The following SIPA1L1 variants were observed in gnomAD, a reference collection of about 807,000 sequenced individuals.
SIPA1L1 encodes signal-induced proliferation-associated 1-like protein 1.
SIPA1L1 carries 26 observed loss-of-function variants against 162.7 expected under a neutral mutation model. The ratio of observed to expected loss-of-function variants is 0.16; its 90% CI spans 0.12 to 0.22. The LOEUF is 0.22. SIPA1L1 is among the 10% of genes least tolerant of loss of function. The pLI is 1.00. For synonymous variants in SIPA1L1, 829 were observed against 837.4 expected, an observed-to-expected ratio of 0.99 and a Z score of 0.17; for missense variants, 1,874 against 2,241.0, an observed-to-expected ratio of 0.84 and a Z score of 3.31.
At chr14:71,620,565 A>G (rs1410964862) in intron 6 of SIPA1L1, among the ~76,000 whole-genome samples, 1 of 152,022 alleles carries the variant, frequency 6.6e-6, no homozygotes, top group Non-Finnish European at 1.5e-5. Context: ...CCAGAGGTTA[A>G]AGTTTCCTAT....
At chr14:71,505,972 A>C (rs1313159198) in intron 2 of SIPA1L1, among the ~76,000 whole-genome samples, 23 of 134,742 alleles carry the variant, frequency 1.7e-4, no homozygotes, top group East Asian at 1.5e-3. Context: ...CCCCCCCCCA[A>C]AAAAAAAATC....
chr14:71,525,358 T>A (rs2052758832), intron 3 of SIPA1L1, among the ~76,000 whole-genome samples: 1 of 152,142 alleles, frequency 6.6e-6, no homozygotes, highest in Non-Finnish European at 1.5e-5. Flanking sequence ...AATTTTTGTG[T>A]GTTTTTAATA....
intron 3 of SIPA1L1, among the ~76,000 whole-genome samples, chr14:71,519,083 G>T (rs548015121): frequency 3.8e-4 from 58 of 152,252 alleles, no homozygotes; most frequent in African/African-American, 1.4e-3. Flanking sequence ...TACAATTCAA[G>T]TTGAGATTTC....
In SIPA1L1 at chr14:71,643,228, C is replaced by T. The variant is rs117197759; in HGVS notation, c.1819-7107C>T. Among the ~76,000 whole-genome samples the T allele has an allele frequency of 4.7e-3, 715 of 152,142 alleles. 16 individuals are homozygous for T. In the East Asian group the frequency reaches 0.058, roughly 12 times the overall value. ...ACCCGTGATACAGAGAAACTCCTAA[C>T]AGCAGCCAAAGGGAAAAATCTTGAT... On this transcript the variant is annotated intron_variant, in intron 7 of 23. Transcript: ENST00000381232.
intron 4 of SIPA1L1, among the ~76,000 whole-genome samples, chr14:71,557,244 T>C (rs527522972): frequency 6.6e-6 from 1 of 152,368 alleles, no homozygotes; most frequent in Non-Finnish European, 1.5e-5. Flanking sequence ...GGTTTGCCTT[T>C]TAATGTACAG....
intron 4 of SIPA1L1, among the ~76,000 whole-genome samples, chr14:71,571,543 A>G (rs1474216687): frequency 6.6e-6 from 1 of 152,216 alleles, no homozygotes; most frequent in Non-Finnish European, 1.5e-5. Context: ...CTCAGTTCCA[A>G]CAGTAAAAGC....
intron 6 of SIPA1L1, among the ~76,000 whole-genome samples, chr14:71,621,075 G>A (rs534977108): frequency 6.6e-6 from 1 of 152,258 alleles, no homozygotes; most frequent in East Asian, 1.9e-4. Context: ...TGGTCTGTCA[G>A]CAACACTTGT....
rs374045499 is a variant in SIPA1L1, at chr14:71,523,523, G to C, written c.-361-5789G>C. Among the ~76,000 whole-genome samples the C allele has an allele frequency of 3.6e-4, 55 of 152,176 alleles. No homozygotes were observed. In the East Asian group the frequency reaches 9.3e-3, roughly 26 times the overall value. On this transcript the variant is annotated intron_variant, in intron 3 of 23. Transcript: ENST00000381232. The stretch of plus-strand genomic sequence containing the variant: ...TAACCTTGATAGAATACTGCTAACT[G>C]ATCTCTACACTGCATTTGTTTTTTA...
intron 17 of SIPA1L1, among the ~76,000 whole-genome samples, chr14:71,710,807 CAAAAA>C (rs570414143): frequency 6.9e-5 from 4 of 57,666 alleles, no homozygotes; most frequent in Non-Finnish European, 1.6e-4. Flanking sequence ...GATTCTGTCT[CAAAAA>C]AAAAAAAAAA....
intron 5 of SIPA1L1, among the ~76,000 whole-genome samples, chr14:71,590,924 T>C (rs940973290): frequency 1.3e-5 from 2 of 152,138 alleles, no homozygotes; most frequent in East Asian, 1.9e-4. Context: ...CTCCTCCCTC[T>C]AGTTGTGACA....
intron 4 of SIPA1L1, among the ~76,000 whole-genome samples, chr14:71,572,925 A>T (rs2032350320): frequency 6.6e-6 from 1 of 152,252 alleles, no homozygotes; most frequent in Non-Finnish European, 1.5e-5. Context: ...AAATAGGTAC[A>T]TAGAATGGGG....
At position 71,589,266 on chromosome 14, in the gene SIPA1L1, T is replaced by G; in HGVS notation, c.1394T>G (p.Val465Gly). 1 of 1,614,076 alleles carries G rather than the reference T, an allele frequency of 6.2e-7. No homozygotes were observed. The highest frequency in any genetic ancestry group is 8.5e-7 in the Non-Finnish European group (1 of 1,179,938). ...AATGCAGGAGTGGCAGTACTTGAAG[T>G]GCCCAAGGAGAACTTGGTGTTGCAC... ...CTNAGVAVLE[V>G]PKENLVLHLD... The change falls in exon 5 of 24, where the codon GTG becomes GGG. Residue 465 changes from valine to glycine, a missense_variant. Coordinates refer to ENST00000381232, the MANE Select transcript of SIPA1L1 (RefSeq NM_001386936.1).
chr14:71,489,020 G>A (rs929878612), intron 2 of SIPA1L1, among the ~76,000 whole-genome samples: 2 of 152,158 alleles, frequency 1.3e-5, no homozygotes, highest in African/African-American at 4.8e-5. Context: ...GACGCCTGCT[G>A]CTAAGAGAAT....
chr14:71,411,314 G>A (rs943694923), intron 2 of SIPA1L1, among the ~76,000 whole-genome samples: 1 of 152,180 alleles, frequency 6.6e-6, no homozygotes, highest in African/African-American at 2.4e-5. Flanking sequence ...AAAGGGGGTA[G>A]AGGTTAAATT....
chr14:71,446,931 A>G lies in SIPA1L1; in HGVS notation c.-464-65812A>G, dbSNP rs568246060. On this transcript the variant is annotated intron_variant, in intron 2 of 23. Transcript: ENST00000381232. ...GTTTTTTTTTTTTTTTTTTTTTTTG[A>G]GACAGGCCCTTGCTTTGTTTCCCAG... Among the ~76,000 whole-genome samples, 120 of 25,914 alleles carry G rather than the reference A, an allele frequency of 4.6e-3. 1 individual carries two copies. Among genetic ancestry groups the G allele is most frequent in the African/African-American group, 0.018 (116 of 6,400 alleles). 17.0% of individuals were successfully genotyped at this position (25,914 alleles called of 152,430 possible). A position where few individuals can be genotyped will look rare whatever the true frequency, so the allele number is the denominator to read the frequency against.
chr14:71,556,106 TA>T (rs569759942), intron 4 of SIPA1L1, among the ~76,000 whole-genome samples: 211 of 152,080 alleles, frequency 1.4e-3, no homozygotes, highest in Non-Finnish European at 2.5e-3. Context: ...CTTCAATTTG[TA>T]AAAAAAACAC....
At chr14:71,613,746 C>T (rs1166285849) in intron 5 of SIPA1L1, among the ~76,000 whole-genome samples, 1 of 152,156 alleles carries the variant, frequency 6.6e-6, no homozygotes, top group East Asian at 1.9e-4. Flanking sequence ...TAGAAGAACA[C>T]TTTGTAATTA....
chr14:71,357,990 C>G (rs2037437737), intron 2 of SIPA1L1, among the ~76,000 whole-genome samples: 1 of 152,122 alleles, frequency 6.6e-6, no homozygotes, highest in Admixed American at 6.5e-5. Flanking sequence ...CCTTGGCCTC[C>G]CAAAGTACTG....
At chr14:71,350,474 C>T (rs2036592286) in intron 2 of SIPA1L1, among the ~76,000 whole-genome samples, 1 of 152,160 alleles carries the variant, frequency 6.6e-6, no homozygotes, top group Non-Finnish European at 1.5e-5. Flanking sequence ...CCACTGATTG[C>T]CACCGATTGG....
Sources: gnomAD v4.1 joint callset for allele counts (sites outside exome capture counted in the v4.1 genomes callset) on GRCh38, gnomAD v4.1.1 for gene constraint, MANE v1.5 for transcripts, NCBI Gene and HGNC (gene_info 2026-07-23, HGNC 2026-07-21) for gene names.